PXDNL: variants seen among roughly 807,000 people sequenced by gnomAD.
PXDNL encodes the protein peroxidasin like.
In PXDNL, 145 loss-of-function variants were observed where a neutral mutation model predicts 150.8. That is an observed-to-expected ratio of 0.96 (90% CI 0.84 to 1.10). The LOEUF (loss-of-function observed/expected upper bound fraction) is 1.10, where lower values mean the gene tolerates loss of function less well. Ranked by LOEUF, PXDNL falls within the 50% of genes least tolerant of loss-of-function variation. The pLI is 0.00. For synonymous variants in PXDNL, 757 were observed against 725.7 expected (o/e 1.04, Z -0.69); for missense variants, 2,087 against 1,873.9 (o/e 1.11, Z -2.10).
In PXDNL at chr8:51,644,321, C is replaced by CAT. The variant is rs369187025; in HGVS notation, c.236+10366_236+10367dup. Among the ~76,000 whole-genome samples, 453 of 55,876 alleles carry CAT rather than the reference C, an allele frequency of 8.1e-3. 27 individuals carry two copies. Among genetic ancestry groups the CAT allele is most frequent in the East Asian group, 0.044 (69 of 1,586 alleles). 36.7% of individuals were successfully genotyped at this position (55,876 alleles called of 152,430 possible). On this transcript the variant is annotated intron_variant, in intron 2 of 22. Transcript: ENST00000356297. Reference sequence around the variant, plus strand: ...ACCCTGTAGCAAAGGCACATTTTTACATATATATATATATATACACACACA... The same window carrying CAT: ...ACCCTGTAGCAAAGGCACATTTTTACATATATATATATATATATACACACACA...
chr8:51,546,515 G>C (rs1444353099), intron 4 of PXDNL, among the ~76,000 whole-genome samples: 1 of 152,184 alleles, frequency 6.6e-6, no homozygotes. Context: ...GAGGTCCTTG[G>C]GGAAGGGAAG....
At chr8:51,802,417 T>C (rs1473312003) in intron 1 of PXDNL, among the ~76,000 whole-genome samples, 1 of 152,224 alleles carries the variant, frequency 6.6e-6, no homozygotes, top group Non-Finnish European at 1.5e-5. Context: ...CAGGATGGCT[T>C]TGAATGTGGC....
chr8:51,598,021 G>T (rs550458069), intron 2 of PXDNL, among the ~76,000 whole-genome samples: 1 of 152,116 alleles, frequency 6.6e-6, no homozygotes, highest in Admixed American at 6.6e-5. Context: ...GCCTAGGATT[G>T]CACTCTTAAT....
intron 1 of PXDNL, among the ~76,000 whole-genome samples, chr8:51,660,814 C>G (rs1278490828): frequency 6.6e-6 from 1 of 152,164 alleles, no homozygotes; most frequent in Non-Finnish European, 1.5e-5. Flanking sequence ...CTCCTGTGCA[C>G]TCCTGCCCTG....
At chr8:51,407,992 G>T in intron 17 of PXDNL, 75 bp downstream of exon 17, 1 of 1,333,292 alleles carries the variant, frequency 7.5e-7, no homozygotes, top group Non-Finnish European at 1.0e-6. Flanking sequence ...CCAAATTCCA[G>T]CCACACAAAA....
At chr8:51,509,410 A>G (rs940530218) in intron 4 of PXDNL, among the ~76,000 whole-genome samples, 3 of 148,668 alleles carry the variant, frequency 2.0e-5, no homozygotes, top group African/African-American at 7.5e-5. Flanking sequence ...ACAATGATAC[A>G]AATCAAATCT....
chr8:51,420,538 CAA>C (rs1208539247), intron 14 of PXDNL, among the ~76,000 whole-genome samples: 1 of 152,008 alleles, frequency 6.6e-6, no homozygotes, highest in African/African-American at 2.4e-5. Flanking sequence ...GTCCCAGAGA[CAA>C]AAAAGTTTTT....
chr8:51,544,254 A>T (rs1812300726), intron 4 of PXDNL, among the ~76,000 whole-genome samples: 1 of 152,190 alleles, frequency 6.6e-6, no homozygotes, highest in East Asian at 1.9e-4. Flanking sequence ...GAGGGTGAAC[A>T]TGAAGTGCAG....
intron 4 of PXDNL, among the ~76,000 whole-genome samples, chr8:51,506,334 A>G (rs1312361753): frequency 6.6e-6 from 1 of 152,074 alleles, no homozygotes; most frequent in African/African-American, 2.4e-5. Context: ...CGAGATCAGG[A>G]GATTGAGACC....
chr8:51,740,837 T>C (rs1009962702), intron 1 of PXDNL, among the ~76,000 whole-genome samples: 2 of 152,192 alleles, frequency 1.3e-5, no homozygotes, highest in African/African-American at 2.4e-5. Flanking sequence ...GTAAGCTTTT[T>C]AACGTGCTGC....
chr8:51,369,171 C>A (rs1807016122), intron 19 of PXDNL, among the ~76,000 whole-genome samples: 1 of 152,058 alleles, frequency 6.6e-6, no homozygotes, highest in African/African-American at 2.4e-5. Flanking sequence ...TTTAATACAC[C>A]TTCTCTGTTT....
chr8:51,761,158 C>T (rs567703471), intron 1 of PXDNL, among the ~76,000 whole-genome samples: 5 of 151,506 alleles, frequency 3.3e-5, no homozygotes, highest in Non-Finnish European at 5.9e-5. Context: ...CAGGCGTGAG[C>T]CACCGCGGCC....
At chr8:51,697,732 T>G (rs1816177258) in intron 1 of PXDNL, among the ~76,000 whole-genome samples, 1 of 152,220 alleles carries the variant, frequency 6.6e-6, no homozygotes, top group Non-Finnish European at 1.5e-5. Flanking sequence ...ACTCATCTAT[T>G]CATCAAGCTG....
intron 21 of PXDNL, among the ~76,000 whole-genome samples, chr8:51,324,855 C>T (rs1805435802): frequency 6.6e-6 from 1 of 151,992 alleles, no homozygotes; most frequent in South Asian, 2.1e-4. Flanking sequence ...TTTGAAATTG[C>T]TCATTGAAGC....
At chr8:51,789,388 A>G (rs897401595) in intron 1 of PXDNL, among the ~76,000 whole-genome samples, 3 of 152,190 alleles carry the variant, frequency 2.0e-5, no homozygotes, top group African/African-American at 7.2e-5. Context: ...CAGATGGTGA[A>G]CAAAGGTGAG....
At chr8:51,604,921 C>T (rs1380340857) in intron 2 of PXDNL, among the ~76,000 whole-genome samples, 1 of 152,048 alleles carries the variant, frequency 6.6e-6, no homozygotes, top group Non-Finnish European at 1.5e-5. Flanking sequence ...ATAATGCTAC[C>T]ATGTATCACA....
intron 8 of PXDNL, among the ~76,000 whole-genome samples, chr8:51,466,349 A>C (rs1485258448): frequency 6.6e-6 from 1 of 152,212 alleles, no homozygotes; most frequent in Non-Finnish European, 1.5e-5. Context: ...ATCCATATGC[A>C]GAAAGATGAA....
chr8:51,586,569 C>T (rs1443335796), intron 3 of PXDNL, among the ~76,000 whole-genome samples: 2 of 152,148 alleles, frequency 1.3e-5, no homozygotes, highest in Admixed American at 6.5e-5. Flanking sequence ...AGAGTTGTGT[C>T]CTTCAAGCTT....
At chr8:51,497,945 G>T (rs1158794724) in intron 5 of PXDNL, among the ~76,000 whole-genome samples, 1 of 152,068 alleles carries the variant, frequency 6.6e-6, no homozygotes, top group Non-Finnish European at 1.5e-5. Context: ...ATACCCAAAG[G>T]ATTATAAATC....
Sources: allele counts gnomAD v4.1 joint callset (sites outside exome capture counted in the v4.1 genomes callset), GRCh38; gene constraint gnomAD v4.1.1; transcripts MANE v1.5; gene names NCBI Gene and HGNC (gene_info 2026-07-23, HGNC 2026-07-21).